Variants in S1PR1 observed in about 807,000 individuals in gnomAD.
S1PR1 encodes sphingosine-1-phosphate receptor 1, also known as sphingosine 1-phosphate receptor 1.
In S1PR1, 2 loss-of-function variants were observed where a neutral mutation model predicts 18.3. The observed-to-expected ratio is 0.11, with a 90% CI of 0.04 to 0.34. The LOEUF (loss-of-function observed/expected upper bound fraction) is 0.34, where lower values mean the gene tolerates loss of function less well. S1PR1 is among the 10% of genes least tolerant of loss of function. S1PR1 has a pLI of 1.00. For synonymous variants in S1PR1, 222 were observed against 211.2 expected (o/e 1.05, Z -0.44); for missense variants, 335 against 493.8 (o/e 0.68, Z 3.05).
rs1213186239 is a variant in S1PR1, at chr1:101,239,614, C to T, written c.630C>T (p.Phe210=). ...ATATCCTCTTCTGCACCACGGTCTT[C>T]ACTCTGCTTCTGCTCTCCATCGTCA... ...KHYILFCTTV[F]TLLLLSIVIL... is the part of the protein sequence containing the mutation. The change falls in exon 2 of 2, where the codon TTC becomes TTT. Residue 210 remains phenylalanine (F), a synonymous_variant. Transcript: ENST00000305352. This position sits in a 1 kb window ranked among gnomAD's most constrained non-coding sequence, Gnocchi z 6.3. 1.9e-6 allele frequency: 3 copies of T among 1,614,022 alleles called. No individual in the cohort carries two copies. The highest frequency in any genetic ancestry group is 2.5e-6 in the Non-Finnish European group (3 of 1,180,044).
At chr1:101,241,560 T>C (rs200656438), downstream of S1PR1, 1 of 166,094 alleles carries the variant, frequency 6.0e-6, no homozygotes, top group Non-Finnish European at 1.5e-5. Flanking sequence ...TATTGAGTCA[T>C]CTACTGGATT....
rs1652844348 is a variant in S1PR1, at chr1:101,240,280, G to A, written c.*147G>A. 3.9e-6 allele frequency: 3 copies of A among 769,754 alleles called. No individual in the cohort carries two copies. Among genetic ancestry groups the A allele is most frequent in the African/African-American group, 1.8e-5 (1 of 56,786 alleles). 47.7% of individuals were successfully genotyped at this position (769,754 alleles called of 1,614,324 possible). ...GGAAGGGGGAGAATACGAACAGCCT[G>A]GTGGTGTCGGGTGTTGGTGGGTAGA... On this transcript the variant is annotated 3_prime_UTR_variant, in exon 2 of 2. Transcript: ENST00000305352.
In S1PR1 at chr1:101,239,083, A is replaced by G. The variant is rs2100880549; in HGVS notation, c.99A>G (p.Gly33=). ...TCGTCCGGCATTACAACTACACGGG[A>G]AAGCTGAATATCAGCGCGGACAAGG... ...DIIVRHYNYT[G]KLNISADKEN... The change falls in exon 2 of 2, where the codon GGA becomes GGG. Residue 33 remains glycine (G), a synonymous_variant. Coordinates refer to ENST00000305352, the MANE Select transcript of S1PR1 (RefSeq NM_001400.5). This position sits in a 1 kb window ranked among gnomAD's most constrained non-coding sequence, Gnocchi z 6.3. The G allele has an allele frequency of 5.6e-6, 9 of 1,614,246 alleles. No individual in the cohort carries two copies. Among genetic ancestry groups the G allele is most frequent in the Non-Finnish European group, 7.6e-6 (9 of 1,180,034 alleles).
rs1184015529 is a variant in S1PR1 at position 101,240,196 on chromosome 1, G to A, written c.*63G>A. The stretch of plus-strand genomic sequence containing the variant: ...TTGGTCGCTGGCCACCCCAGTGTTT[G>A]GAAAAAAATCTCTGGGCTTCGACTG... On this transcript the variant is annotated 3_prime_UTR_variant, in exon 2 of 2. Coordinates refer to ENST00000305352, the MANE Select transcript of S1PR1 (RefSeq NM_001400.5). 1 of 1,566,994 alleles carries A rather than the reference G, an allele frequency of 6.4e-7. No individual in the cohort carries two copies. Among genetic ancestry groups the A allele is most frequent in the Non-Finnish European group, 8.7e-7 (1 of 1,151,382 alleles).
At position 101,239,042 on chromosome 1, in the gene S1PR1, G is replaced by T. The variant is rs750769278; in HGVS notation, c.58G>T (p.Val20Phe). The T allele has an allele frequency of 6.2e-7, 1 of 1,614,250 alleles. No individual in the cohort carries two copies. Among genetic ancestry groups the T allele is most frequent in the Non-Finnish European group, 8.5e-7 (1 of 1,180,036 alleles). The change falls in exon 2 of 2, where the codon GTC becomes TTC. Residue 20 changes from valine to phenylalanine, a missense_variant. By Grantham distance (50) the Val-to-Phe change is conservative. Coordinates refer to ENST00000305352, the MANE Select transcript of S1PR1 (RefSeq NM_001400.5). The surrounding 1 kb of genome is among the most constrained non-coding windows in gnomAD (Gnocchi z 6.3). The part of the protein sequence containing the change: ...KAHRSSVSDY[V>F]NYDIIVRHYN... ...CCACCGCAGCTCGGTCTCTGACTAC[G>T]TCAACTATGATATCATCGTCCGGCA... is the stretch of plus-strand genomic sequence containing the variant.
rs755385470 is a variant in S1PR1, at chr1:101,239,921, C to T, written c.937C>T (p.Leu313=). ...CGGCACCAACCCCATCATTTACACTCTGACCAACAAGGAGATGCGTCGGGC... is the reference window on the plus strand; with the variant it reads ...CGGCACCAACCCCATCATTTACACTTTGACCAACAAGGAGATGCGTCGGGC... ...NSGTNPIIYT[L]TNKEMRRAFI... Residue 313 remains leucine (L), a synonymous_variant, in exon 2 of 2, where the codon CTG becomes TTG. Transcript: ENST00000305352. This position sits in a 1 kb window ranked among gnomAD's most constrained non-coding sequence, Gnocchi z 6.3. 8 of 1,613,952 alleles carry T rather than the reference C, an allele frequency of 5.0e-6. No homozygotes were observed. The South Asian group carries it at 8.8e-5, about 18-fold the overall frequency.
In S1PR1 at chr1:101,237,117, G is replaced by C. The variant is rs1652711526; in HGVS notation, c.-164+18G>C. On this transcript the variant is annotated intron_variant, in intron 1 of 1. Coordinates refer to ENST00000305352, the MANE Select transcript of S1PR1 (RefSeq NM_001400.5). ...TGAGCGAGGTAGGGGGCGGCGAATG[G>C]CGGGGGTCGCGGGCGCGGGGAGCCC... The C allele has an allele frequency of 6.6e-6, 1 of 152,388 alleles. No individual in the cohort carries two copies. Among genetic ancestry groups the C allele is most frequent in the Admixed American group, 6.5e-5 (1 of 15,302 alleles). 9.4% of individuals were successfully genotyped at this position (152,388 alleles called of 1,614,324 possible). A position where few individuals can be genotyped will look rare whatever the true frequency, so the allele number is the denominator to read the frequency against.
At chr1:101,238,618 T>C (rs2100879550) in intron 1 of S1PR1, among the ~76,000 whole-genome samples, 1 of 150,592 alleles carries the variant, frequency 6.6e-6, no homozygotes, top group South Asian at 2.1e-4. Flanking sequence ...CTCTTTTTCT[T>C]CCCCCTCTTC....
At chr1:101,236,970 G>A (rs1557706650), upstream of S1PR1, 2 of 150,604 alleles carry the variant, frequency 1.3e-5, no homozygotes, top group African/African-American at 5.0e-5. Flanking sequence ...CTCCGCTGCG[G>A]AGGGAGGGGA....
rs1265285874 is a variant in S1PR1 at position 101,239,308 on chromosome 1, C to T, written c.324C>T (p.Thr108=). 6.2e-7 allele frequency: 1 copy of T among 1,614,152 alleles called. No individual in the cohort carries two copies. Among genetic ancestry groups the T allele is most frequent in the Admixed American group, 1.7e-5 (1 of 60,022 alleles). Residue 108 remains threonine, a synonymous_variant, in exon 2 of 2, where the codon ACC becomes ACT. Transcript: ENST00000305352. This position sits in a 1 kb window ranked among gnomAD's most constrained non-coding sequence, Gnocchi z 6.3. The stretch of plus-strand genomic sequence containing the variant: ...CTAACCTGCTCTTGTCTGGGGCCAC[C>T]ACCTACAAGCTCACTCCCGCCCAGT... ...YTANLLLSGA[T]TYKLTPAQWF... is the part of the protein sequence containing the mutation.
chr1:101,242,220 A>T (rs1652933837), downstream of S1PR1, among the ~76,000 whole-genome samples: 2 of 152,198 alleles, frequency 1.3e-5, no homozygotes, highest in Admixed American at 6.5e-5. Context: ...GGCACTTTGC[A>T]AGCATCACAG....
chr1:101,239,441 A>C lies in S1PR1; in HGVS notation c.457A>C (p.Asn153His). ...YITMLKMKLH[N>H]GSNNFRLFLL... The stretch of plus-strand genomic sequence containing the variant: ...CACAATGCTGAAAATGAAACTCCAC[A>C]ACGGGAGCAATAACTTCCGCCTCTT... The change falls in exon 2 of 2, where the codon AAC (asparagine) becomes CAC (histidine). Residue 153 changes from asparagine to histidine, a missense_variant. This residue lies in a region of S1PR1 where 214 missense variants were observed against 366.6 expected (regional missense o/e 0.58). Transcript: ENST00000305352. The surrounding 1 kb of genome is among the most constrained non-coding windows in gnomAD (Gnocchi z 6.3). 6.2e-7 allele frequency: 1 copy of C among 1,614,118 alleles called. No homozygotes were observed. The highest frequency in any genetic ancestry group is 8.5e-7 in the Non-Finnish European group (1 of 1,180,026).
At position 101,238,989 on chromosome 1, in the gene S1PR1, G is replaced by T; in HGVS notation, c.5G>T (p.Gly2Val). The T allele has an allele frequency of 6.2e-7, 1 of 1,612,146 alleles. No homozygotes were observed. The highest frequency in any genetic ancestry group is 8.5e-7 in the Non-Finnish European group (1 of 1,178,838). ...TGGGGACACAGGGTTGGCACCATGG[G>T]GCCCACCAGCGTCCCGCTGGTCAAG... The part of the protein sequence containing the change: M[G>V]PTSVPLVKAH... Residue 2 changes from glycine to valine, a missense_variant, in exon 2 of 2, where the codon GGG (glycine) becomes GTG (valine). Around this residue, in one of 3 missense-constraint regions of S1PR1, gnomAD observed 31 missense variants for 29.6 expected, o/e 1.05. Transcript: ENST00000305352.
chr1:101,242,024 T>C (rs1652929001), downstream of S1PR1, among the ~76,000 whole-genome samples: 1 of 150,554 alleles, frequency 6.6e-6, no homozygotes, highest in South Asian at 2.1e-4. Context: ...TTTTTTTTTT[T>C]CAGGACACTG....
At position 101,238,955 on chromosome 1, in the gene S1PR1, C is replaced by T. The variant is rs755789043; in HGVS notation, c.-30C>T. The T allele has an allele frequency of 5.0e-6, 8 of 1,585,042 alleles. No individual in the cohort carries two copies. In the Admixed American group the frequency reaches 7.1e-5, roughly 14 times the overall value. ...AGCGTTCGTCTGGAGTAGCGCCACCCCGGCTTCCTGGGGACACAGGGTTGG... is the reference window on the plus strand; with the variant it reads ...AGCGTTCGTCTGGAGTAGCGCCACCTCGGCTTCCTGGGGACACAGGGTTGG... On this transcript the variant is annotated 5_prime_UTR_variant, in exon 2 of 2. Transcript: ENST00000305352.
chr1:101,239,407 G>C lies in S1PR1; in HGVS notation c.423G>C (p.Glu141Asp). 2 of 1,614,168 alleles carry C rather than the reference G, an allele frequency of 1.2e-6. No homozygotes were observed. Among genetic ancestry groups the C allele is most frequent in the Non-Finnish European group, 1.7e-6 (2 of 1,180,030 alleles). The change falls in exon 2 of 2, where the codon GAG (glutamate) becomes GAC (aspartate). Residue 141 changes from glutamate (E) to aspartate (D), a missense_variant. By Grantham distance (45) the Glu-to-Asp change is conservative (BLOSUM62 2). Coordinates refer to ENST00000305352, the MANE Select transcript of S1PR1 (RefSeq NM_001400.5). This position sits in a 1 kb window ranked among gnomAD's most constrained non-coding sequence, Gnocchi z 6.3. ...SVFSLLAIAI[E>D]RYITMLKMKL... is the part of the protein sequence containing the mutation. Reference sequence around the variant, plus strand: ...TCAGTCTCCTCGCCATCGCCATTGAGCGCTATATCACAATGCTGAAAATGA... The same window carrying C: ...TCAGTCTCCTCGCCATCGCCATTGACCGCTATATCACAATGCTGAAAATGA...
intron 1 of S1PR1, 93 bp from the exon 2 acceptor site, chr1:101,238,726 TCAA>T (rs1286949260): frequency 1.1e-5 from 5 of 454,782 alleles, no homozygotes; most frequent in Non-Finnish European, 1.9e-5. Context: ...TTAAAACAAA[TCAA>T]CAACAACACA....
chr1:101,240,641 A>C lies in S1PR1; in HGVS notation c.*508A>C, dbSNP rs1248266204. The C allele has an allele frequency of 5.4e-6, 1 of 183,786 alleles. No homozygotes were observed. The highest frequency in any genetic ancestry group is 1.3e-5 in the Non-Finnish European group (1 of 77,182). 11.4% of individuals were successfully genotyped at this position (183,786 alleles called of 1,614,324 possible). Reference sequence around the variant, plus strand: ...CAACGTTCTTTTACTTTATACTTTAACTACCTGAGAGTTATCAGAGCTGGG... The same window carrying C: ...CAACGTTCTTTTACTTTATACTTTACCTACCTGAGAGTTATCAGAGCTGGG... On this transcript the variant is annotated 3_prime_UTR_variant, in exon 2 of 2. Transcript: ENST00000305352.
Position 101,240,126 on chromosome 1 carries a change from C to A in S1PR1, c.1142C>A (p.Ser381Tyr). ...TIMSSGNVNS[S>Y]S ...ATGTCTTCTGGAAACGTCAACTCTT[C>A]TTCCTAGAACTGGAAGCTGTCCACC... The change falls in exon 2 of 2, where the codon TCT (serine) becomes TAT (tyrosine). Residue 381 changes from serine to tyrosine, a missense_variant. Transcript: ENST00000305352. 2 of 1,613,106 alleles carry A rather than the reference C, an allele frequency of 1.2e-6. No homozygotes were observed. Among genetic ancestry groups the A allele is most frequent in the Non-Finnish European group, 1.7e-6 (2 of 1,180,046 alleles).
Sources: allele counts gnomAD v4.1 joint callset (sites outside exome capture counted in the v4.1 genomes callset), GRCh38; gene constraint gnomAD v4.1.1; regional missense constraint gnomAD v4.1.1; non-coding constraint Gnocchi (gnomAD v3.1); transcripts MANE v1.5; gene names NCBI Gene and HGNC (gene_info 2026-07-23, HGNC 2026-07-21).